NRXN1: variants seen among roughly 807,000 people sequenced by gnomAD.
NRXN1 encodes neurexin-1.
In NRXN1, 39 loss-of-function variants were observed where a neutral mutation model predicts 150.9. The observed-to-expected ratio is 0.26, with a 90% CI of 0.20 to 0.34. The LOEUF (loss-of-function observed/expected upper bound fraction) is 0.34. Among genes scored for constraint, NRXN1 ranks in the 10% least tolerant of loss-of-function variants. The probability of loss-of-function intolerance (pLI) is 1.00; values close to 1 mark genes in which losing one functional copy is unlikely to be tolerated. For synonymous variants in NRXN1, 924 were observed against 757.0 expected, an observed-to-expected ratio of 1.22 and a Z score of -3.62; for missense variants, 1,815 against 1,949.9, an observed-to-expected ratio of 0.93 and a Z score of 1.30.
At chr2:50,570,518 T>C (rs910974026) in intron 8 of NRXN1, among the ~76,000 whole-genome samples, 2 of 152,200 alleles carry the variant, frequency 1.3e-5, no homozygotes, top group African/African-American at 4.8e-5. Flanking sequence ...TTAGAGGTGT[T>C]TTCATGACTA....
At chr2:50,939,210 C>CAAAAAAA (rs78496825) in intron 2 of NRXN1, among the ~76,000 whole-genome samples, 1 of 68,316 alleles carries the variant, frequency 1.5e-5, no homozygotes, top group Non-Finnish European at 3.0e-5. Flanking sequence ...GACTCCATCT[C>CAAAAAAA]AAAAAAAAAA....
chr2:51,022,721 T>C (rs73930247), intron 2 of NRXN1, among the ~76,000 whole-genome samples: 1,902 of 152,296 alleles, frequency 0.012, 52 homozygotes, highest in African/African-American at 0.043. Context: ...TCTACTTATA[T>C]AATAACTACT....
chr2:49,998,864 T>A (rs1683433212), intron 21 of NRXN1, among the ~76,000 whole-genome samples: 1 of 152,180 alleles, frequency 6.6e-6, no homozygotes, highest in African/African-American at 2.4e-5. Flanking sequence ...CTCACTGGCA[T>A]GCTGTATGTG....
chr2:50,962,552 T>C lies in NRXN1; in HGVS notation c.773-36597A>G, dbSNP rs1019641665. 7.9e-5 allele frequency among the ~76,000 whole-genome samples: 12 copies of C among 151,304 alleles called. 1 individual carries two copies. In the Admixed American group the frequency reaches 8.0e-4, roughly 10 times the overall value. ...TTTGTTTGTTTGTTTGTTTGTTTAA[T>C]TTCCCAAAGTAACTATGTTCAAGGC... On this transcript the variant is annotated intron_variant, in intron 2 of 22. Coordinates refer to ENST00000401669, the MANE Select transcript of NRXN1 (RefSeq NM_001330078.2).
intron 18 of NRXN1, among the ~76,000 whole-genome samples, chr2:50,124,909 G>A (rs1401126710): frequency 2.0e-5 from 3 of 151,890 alleles, no homozygotes; most frequent in Non-Finnish European, 2.9e-5. Flanking sequence ...TAGCCCCTTT[G>A]AGTTTATAAA....
At chr2:50,929,989 A>G (rs1396264902) in intron 2 of NRXN1, among the ~76,000 whole-genome samples, 2 of 152,114 alleles carry the variant, frequency 1.3e-5, no homozygotes, top group African/African-American at 2.4e-5. Flanking sequence ...GTTCAAAGAG[A>G]AAATGAAGCA....
chr2:50,205,115 A>G (rs928922468), intron 18 of NRXN1, among the ~76,000 whole-genome samples: 3 of 152,150 alleles, frequency 2.0e-5, no homozygotes, highest in African/African-American at 7.2e-5. Context: ...TCACACACAA[A>G]TAAGTGACAG....
intron 5 of NRXN1, among the ~76,000 whole-genome samples, chr2:50,730,528 G>A (rs933360309): frequency 6.6e-6 from 1 of 152,052 alleles, no homozygotes; most frequent in Non-Finnish European, 1.5e-5. Context: ...GTTGACTAGT[G>A]CAGCCTTCAA....
chr2:50,987,554 T>C (rs1219034421), intron 2 of NRXN1, among the ~76,000 whole-genome samples: 3 of 151,982 alleles, frequency 2.0e-5, no homozygotes, highest in Non-Finnish European at 2.9e-5. Flanking sequence ...CTAAAGTTTA[T>C]TTAGGAAATC....
At chr2:50,435,612 C>T (rs1234858114) in intron 17 of NRXN1, among the ~76,000 whole-genome samples, 2 of 152,126 alleles carry the variant, frequency 1.3e-5, no homozygotes, top group African/African-American at 4.8e-5. Flanking sequence ...TATACACAGG[C>T]ATGCGTCTTT....
intron 18 of NRXN1, among the ~76,000 whole-genome samples, chr2:50,146,427 C>A (rs573932073): frequency 4.8e-4 from 73 of 151,784 alleles, no homozygotes; most frequent in African/African-American, 1.7e-3. Flanking sequence ...TGGAACCAAT[C>A]CAATTGCCCA....
intron 5 of NRXN1, among the ~76,000 whole-genome samples, chr2:50,914,679 T>C (rs986550310): frequency 9.2e-5 from 14 of 151,796 alleles, no homozygotes; most frequent in Admixed American, 7.9e-4. Context: ...CACAATACGA[T>C]ACAAAAACTT....
chr2:50,790,284 A>G (rs1705752218), intron 5 of NRXN1, among the ~76,000 whole-genome samples: 1 of 152,182 alleles, frequency 6.6e-6, no homozygotes, highest in South Asian at 2.1e-4. Flanking sequence ...TGACCCAAAG[A>G]GACCAAGTAA....
chr2:50,440,466 C>T (rs1283733504), intron 17 of NRXN1, among the ~76,000 whole-genome samples: 1 of 151,512 alleles, frequency 6.6e-6, no homozygotes, highest in African/African-American at 2.4e-5. Context: ...TATCTCTGCC[C>T]TTATGAAGTC....
Position 51,027,521 on chromosome 2 carries a change from G to T in NRXN1, c.753C>A (p.Arg251=), listed in dbSNP as rs770481343. Residue 251 remains arginine (R), a synonymous_variant, in exon 2 of 23, where the codon CGC becomes CGA. Coordinates refer to ENST00000401669, the MANE Select transcript of NRXN1 (RefSeq NM_001330078.2). ...CCTTACCTTGGCTGCAGTCCTTGCC[G>T]CGGAAGCCGGTTCGCGAGCAGTCGC... is the stretch of plus-strand genomic sequence containing the variant. ...AVCDCSRTGF[R]GKDCSQEDNN... The T allele has an allele frequency of 6.5e-7, 1 of 1,546,680 alleles. No homozygotes were observed. Among genetic ancestry groups the T allele is most frequent in the Admixed American group, 1.9e-5 (1 of 53,510 alleles).
At chr2:50,047,542 C>A (rs1212069001) in intron 21 of NRXN1, among the ~76,000 whole-genome samples, 2 of 152,038 alleles carry the variant, frequency 1.3e-5, no homozygotes, top group Admixed American at 6.6e-5. Context: ...TGGCACTATC[C>A]ATACAGGGTG....
intron 5 of NRXN1, among the ~76,000 whole-genome samples, chr2:50,774,408 C>T (rs551726521): frequency 6.6e-6 from 1 of 152,216 alleles, no homozygotes; most frequent in African/African-American, 2.4e-5. Flanking sequence ...GTTTCTTTAA[C>T]CTACATTCCC....
At chr2:50,929,740 C>T (rs1192188140) in intron 2 of NRXN1, among the ~76,000 whole-genome samples, 1 of 152,062 alleles carries the variant, frequency 6.6e-6, no homozygotes, top group African/African-American at 2.4e-5. Flanking sequence ...CATCACATTA[C>T]TTCTCAAGCC....
intron 15 of NRXN1, among the ~76,000 whole-genome samples, chr2:50,480,330 C>A (rs1452675349): frequency 6.6e-6 from 1 of 152,072 alleles, no homozygotes. Flanking sequence ...AAAATATGTA[C>A]AAAAATCTTT....
Sources: allele counts gnomAD v4.1 joint callset (sites outside exome capture counted in the v4.1 genomes callset), GRCh38; gene constraint gnomAD v4.1.1; transcripts MANE v1.5; gene names NCBI Gene and HGNC (gene_info 2026-07-23, HGNC 2026-07-21).